Variants in CPT1B observed in about 807,000 individuals in gnomAD.
The protein encoded by CPT1B is carnitine O-palmitoyltransferase 1, muscle isoform.
In CPT1B, 57 loss-of-function variants were observed where a neutral mutation model predicts 92.7. That is an observed-to-expected ratio of 0.62 (90% CI 0.50 to 0.77). The LOEUF (loss-of-function observed/expected upper bound fraction) is 0.77, where lower values mean the gene tolerates loss of function less well. CPT1B is among the 30% of genes least tolerant of loss of function. The probability of loss-of-function intolerance (pLI) is 0.00; values close to 1 mark genes in which losing one functional copy is unlikely to be tolerated. For missense variants in CPT1B, 983 were observed against 1,017.4 expected (o/e 0.97, Z 0.46); for synonymous variants, 398 against 383.5 (o/e 1.04, Z -0.44).
Position 50,576,297 on chromosome 22 carries a change from T to A in CPT1B, c.600A>T (p.Glu200Asp), listed in dbSNP as rs143125736. 1.2e-6 allele frequency: 2 copies of A among 1,613,932 alleles called. No individual in the cohort carries two copies. Among genetic ancestry groups the A allele is most frequent in the African/African-American group, 1.3e-5 (1 of 74,892 alleles). ...TGGCCAGCAACTCCATGCGGTAATA[T>A]TCCTCATCATCCAACAAGGGGCGCA... is the stretch of plus-strand genomic sequence containing the variant. Reference protein sequence around the residue: ...ESVRPLLDDEEYYRMELLAKE... With the variant: ...ESVRPLLDDEDYYRMELLAKE... The change falls in exon 6 of 20, where the codon GAA becomes GAT. Residue 200 changes from glutamate (E) to aspartate (D), a missense_variant. Glu to Asp is a conservative substitution (Grantham distance 45). Coordinates refer to ENST00000312108, the MANE Select transcript of CPT1B (RefSeq NM_152246.3).
Position 50,569,627 on chromosome 22 carries a change from G to T in CPT1B, c.2184C>A (p.Gly728=). The change falls in exon 18 of 20, where the codon GGC becomes GGA. Residue 728 remains glycine, a synonymous_variant. Transcript: ENST00000312108. ...AGATGTGGAAGAAGATCGTGTTCTC[G>T]CCTGCAATCATGTAGGAAACTCCAT... is the stretch of plus-strand genomic sequence containing the variant. ...DGYGVSYMIA[G]ENTIFFHISS... is the part of the protein sequence containing the mutation. The T allele has an allele frequency of 6.2e-7, 1 of 1,614,014 alleles. No individual in the cohort carries two copies. Among genetic ancestry groups the T allele is most frequent in the Non-Finnish European group, 8.5e-7 (1 of 1,180,016 alleles).
rs980577563 is a variant in CPT1B, at chr22:50,570,218, C to T, written c.2142+75G>A. ...CAAGGTGCTCCTGCCTCTCGTCTGACCTCAGGGCCTGCACTCGCCACTGAA... is the reference window on the plus strand; with the variant it reads ...CAAGGTGCTCCTGCCTCTCGTCTGATCTCAGGGCCTGCACTCGCCACTGAA... On this transcript the variant is annotated intron_variant, in intron 17 of 19. Coordinates refer to ENST00000312108, the MANE Select transcript of CPT1B (RefSeq NM_152246.3). The T allele has an allele frequency of 1.6e-5, 18 of 1,103,938 alleles. No individual in the cohort carries two copies. The Admixed American group carries it at 4.2e-4, about 26-fold the overall frequency. 68.4% of individuals were successfully genotyped at this position (1,103,938 alleles called of 1,614,324 possible).
At position 50,576,833 on chromosome 22, in the gene CPT1B, A is replaced by G. The variant is rs374492415; in HGVS notation, c.459+24T>C. ...AAAGAGTCTCAACCCAGGTGCCTGA[A>G]CCCCTCCACTGGCTGCTGCTCACAG... is the stretch of plus-strand genomic sequence containing the variant. On this transcript the variant is annotated intron_variant, in intron 4 of 19. Transcript: ENST00000312108. 1.2e-5 allele frequency: 19 copies of G among 1,613,182 alleles called. No homozygotes were observed. In the African/African-American group the frequency reaches 2.0e-4, roughly 17 times the overall value.
At chr22:50,574,642 G>A in intron 7 of CPT1B, 42 bp from the exon 8 acceptor site, 1 of 1,541,644 alleles carries the variant, frequency 6.5e-7, no homozygotes, top group Non-Finnish European at 9.0e-7. Flanking sequence ...CCTCTGTCTG[G>A]GTGTCACCTG....
At chr22:50,576,774 C>T in intron 4 of CPT1B, 83 bp downstream of exon 4, 5 of 1,579,594 alleles carry the variant, frequency 3.2e-6, no homozygotes, top group Non-Finnish European at 4.3e-6. Flanking sequence ...CCCTGTCTGC[C>T]TCTCCCGTCT....
intron 4 of CPT1B, 22 bp downstream of exon 4, chr22:50,576,835 C>T (rs1228080997): frequency 6.2e-7 from 1 of 1,613,498 alleles, no homozygotes; most frequent in Non-Finnish European, 8.5e-7. Flanking sequence ...GTGCCTGAAC[C>T]CCTCCACTGG....
chr22:50,571,293 C>G lies in CPT1B; in HGVS notation c.1741-1G>C, dbSNP rs935924215. The G allele has an allele frequency of 3.1e-6, 5 of 1,613,666 alleles. No individual in the cohort carries two copies. Among genetic ancestry groups the G allele is most frequent in the Non-Finnish European group, 4.2e-6 (5 of 1,180,004 alleles). ...AGGTCAGGCAGAACTTACCCCTGTC[C>G]TGGGATATACAGAGGGGTGAATCTG... On this transcript the variant is annotated splice_acceptor_variant, in intron 14 of 19. Coordinates refer to ENST00000312108, the MANE Select transcript of CPT1B (RefSeq NM_152246.3). LOFTEE classifies it high-confidence loss of function.
rs772795236 is a variant in CPT1B, at chr22:50,569,342, C to A, written c.2315G>T (p.Ser772Ile). The change falls in exon 19 of 20, where the codon AGC (serine) becomes ATC (isoleucine). Residue 772 changes from serine (S) to isoleucine (I), a missense_variant. By Grantham distance (142) the Ser-to-Ile change is moderately radical. Transcript: ENST00000312108. ...ADLFQVPKAY[S>I] ...CAGCTGGCATTTCTCCAACCTTCAG[C>A]TGTAGGCCTTGGGAACTTGGAAAAG... 6.2e-7 allele frequency: 1 copy of A among 1,613,952 alleles called. No individual in the cohort carries two copies. The highest frequency in any genetic ancestry group is 1.3e-5 in the African/African-American group (1 of 74,916).
In CPT1B at chr22:50,576,036, A is replaced by G. The variant is rs766741787; in HGVS notation, c.776T>C (p.Met259Thr). 6.2e-7 allele frequency: 1 copy of G among 1,613,946 alleles called. No homozygotes were observed. Among genetic ancestry groups the G allele is most frequent in the Admixed American group, 1.7e-5 (1 of 60,006 alleles). ...PLMVNSNYYVMDLVLIKNTDV... is the reference protein window; with the variant it reads ...PLMVNSNYYVTDLVLIKNTDV... ...GGACCTGGGGGCTCTAGTTCATACC[A>G]TGACATAATAGTTGCTGTTCACCAT... The change falls in exon 7 of 20, where the codon ATG becomes ACG. Residue 259 changes from methionine to threonine, a missense_variant and splice_region_variant. Met to Thr is a moderately conservative substitution (Grantham distance 81). Transcript: ENST00000312108.
rs796162402 is a variant in CPT1B, at chr22:50,573,933, T to C, written c.971-218A>G. ...CAACACCAACAATCCTATAAAGTAT[T>C]TCACAGAAGAGGAAACGACGCACTA... On this transcript the variant is annotated intron_variant, in intron 9 of 19. Transcript: ENST00000312108. This position sits in a 1 kb window ranked among gnomAD's most constrained non-coding sequence, Gnocchi z 5.0. 8 of 712,030 alleles carry C rather than the reference T, an allele frequency of 1.1e-5. No individual in the cohort carries two copies. In the African/African-American group the frequency reaches 1.4e-4, roughly 12 times the overall value. 44.1% of individuals were successfully genotyped at this position (712,030 alleles called of 1,614,324 possible). A position where few individuals can be genotyped will look rare whatever the true frequency, so the allele number is the denominator to read the frequency against.
rs377289863 is a variant in CPT1B at position 50,569,627 on chromosome 22, G to A, written c.2184C>T (p.Gly728=). 41 of 1,613,896 alleles carry A rather than the reference G, an allele frequency of 2.5e-5. No individual in the cohort carries two copies. The highest frequency in any genetic ancestry group is 3.3e-5 in the Admixed American group (2 of 59,992). ...AGATGTGGAAGAAGATCGTGTTCTC[G>A]CCTGCAATCATGTAGGAAACTCCAT... ...DGYGVSYMIA[G]ENTIFFHISS... is the part of the protein sequence containing the mutation. Residue 728 remains glycine, a synonymous_variant, in exon 18 of 20, where the codon GGC becomes GGT. Transcript: ENST00000312108.
At chr22:50,569,258 AC>A (rs2070035670) in intron 19 of CPT1B, 77 bp downstream of exon 19, 1 of 1,438,356 alleles carries the variant, frequency 7.0e-7, no homozygotes. Flanking sequence ...GTGCACGGCC[AC>A]CCCTCATGCC....
chr22:50,577,061 G>A (rs187632508), intron 3 of CPT1B, 27 bp from the exon 4 acceptor site: 27,300 of 1,610,812 alleles, frequency 0.017, 319 homozygotes, highest in Non-Finnish European at 0.02. Context: ...AGGGCTGCAG[G>A]GGGTCCTCTT....
rs1423499725 is a variant in CPT1B at position 50,572,240 on chromosome 22, G to A, written c.1421C>T (p.Ala474Val). 18 of 1,613,690 alleles carry A rather than the reference G, an allele frequency of 1.1e-5. No homozygotes were observed. Among genetic ancestry groups the A allele is most frequent in the Non-Finnish European group, 1.4e-5 (17 of 1,179,708 alleles). ...CCCAATGATGGGAGCATCTGCCCAC[G>A]CATGCTCTGCATTGAGACCCAACTG... Reference protein sequence around the residue: ...NGQLGLNAEHAWADAPIIGHL... With the variant: ...NGQLGLNAEHVWADAPIIGHL... Residue 474 changes from alanine (A) to valine (V), a missense_variant, in exon 12 of 20, where the codon GCG (alanine) becomes GTG (valine). Ala to Val is a moderately conservative substitution (Grantham distance 64, BLOSUM62 0). Transcript: ENST00000312108.
At chr22:50,571,921 G>T (rs1249607251) in intron 13 of CPT1B, 85 bp downstream of exon 13, 7 of 1,245,788 alleles carry the variant, frequency 5.6e-6, no homozygotes, top group East Asian at 2.3e-5. Flanking sequence ...AGGCCAGCAG[G>T]GGAGGAGGAG....
chr22:50,573,517 T>C lies in CPT1B; in HGVS notation c.1166+3A>G, dbSNP rs753909121. ...GGGACAGTCCCTTCCTAGAGGCCAATACCTTCCTCCTGCAGTGAGGGCTGC... is the reference window on the plus strand; with the variant it reads ...GGGACAGTCCCTTCCTAGAGGCCAACACCTTCCTCCTGCAGTGAGGGCTGC... On this transcript the variant is annotated splice_donor_region_variant and intron_variant, in intron 10 of 19. Transcript: ENST00000312108. This position sits in a 1 kb window ranked among gnomAD's most constrained non-coding sequence, Gnocchi z 5.0. 1.2e-6 allele frequency: 2 copies of C among 1,605,416 alleles called. No individual in the cohort carries two copies. Among genetic ancestry groups the C allele is most frequent in the Non-Finnish European group, 1.7e-6 (2 of 1,174,966 alleles).
intron 3 of CPT1B, 94 bp from the exon 4 acceptor site, chr22:50,577,128 C>T (rs3752393): frequency 0.11 from 164,653 of 1,464,790 alleles, 15,317 homozygotes; most frequent in East Asian, 0.48. Flanking sequence ...GGGGAAGAAC[C>T]TCCCTGGGCA....
chr22:50,576,498 C>G (rs2146638064), intron 5 of CPT1B, 38 bp downstream of exon 5: 1 of 1,591,738 alleles, frequency 6.3e-7, no homozygotes, highest in South Asian at 1.1e-5. Context: ...TGAATCCAAC[C>G]TCCCCTGCCC....
In CPT1B at chr22:50,572,314, G is replaced by A. The variant is rs115830405; in HGVS notation, c.1353-6C>T. ...TGAAGGATTTGTCAAACCACCTGCA[G>A]GAAGAGTAGACACATGAAGAACCAA... is the stretch of plus-strand genomic sequence containing the variant. On this transcript the variant is annotated splice_region_variant and splice_polypyrimidine_tract_variant and intron_variant, in intron 11 of 19. Transcript: ENST00000312108. 3.9e-3 allele frequency: 6,296 copies of A among 1,602,086 alleles called. 185 individuals carry two copies. The African/African-American group carries it at 0.07, about 18-fold the overall frequency.
Sources: allele counts gnomAD v4.1 joint callset, GRCh38; gene constraint gnomAD v4.1.1; non-coding constraint Gnocchi (gnomAD v3.1); transcripts MANE v1.5; gene names NCBI Gene and HGNC (gene_info 2026-07-23, HGNC 2026-07-21).